Variants in NALF1 observed in about 807,000 individuals in gnomAD.
The protein encoded by NALF1 is family with sequence similarity 155 member A.
Under a neutral mutation model 48.4 loss-of-function variants are expected in NALF1, and 3 were observed. That is an observed-to-expected ratio of 0.06 (90% CI 0.03 to 0.16). The LOEUF is 0.16. NALF1 is among the 10% of genes least tolerant of loss of function. The pLI is 1.00. For missense variants in NALF1, 526 were observed against 571.5 expected, an observed-to-expected ratio of 0.92 and a Z score of 0.81; for synonymous variants, 262 against 245.7, an observed-to-expected ratio of 1.07 and a Z score of -0.62.
rs1431954245 is a variant in NALF1 at position 107,168,254 on chromosome 13, C to T, written c.*2243G>A. The T allele has an allele frequency of 2.0e-5, 3 of 152,254 alleles. No individual in the cohort carries two copies. Among genetic ancestry groups the T allele is most frequent in the Admixed American group, 2.0e-4 (3 of 15,264 alleles). The allele number at this position is 152,254 out of a possible 1,614,324, so 9.4% of individuals were successfully genotyped here. On this transcript the variant is annotated 3_prime_UTR_variant, in exon 3 of 3. Coordinates refer to ENST00000375915, the MANE Select transcript of NALF1 (RefSeq NM_001080396.3). ...CAGGAATCACTTGCAGCCTCAATTC[C>T]TCTGCTTCTCGTCCCCCCAGCGCCA...
rs546817507 is a variant in NALF1 at position 107,858,140 on chromosome 13, C to T, written c.915+7542G>A. 7.9e-5 allele frequency among the ~76,000 whole-genome samples: 12 copies of T among 152,302 alleles called. No homozygotes were observed. The South Asian group carries it at 2.5e-3, about 32-fold the overall frequency. ...AAGCCTTTGACATGATAAACCTGGC[C>T]ATCCATCCTAGTTGCCCAGGACTCT... On this transcript the variant is annotated intron_variant, in intron 1 of 2. Coordinates refer to ENST00000375915, the MANE Select transcript of NALF1 (RefSeq NM_001080396.3).
chr13:107,334,661 T>C (rs1415782945), intron 1 of NALF1, among the ~76,000 whole-genome samples: 3 of 152,232 alleles, frequency 2.0e-5, no homozygotes, highest in Non-Finnish European at 2.9e-5. Flanking sequence ...AAGCTAAGAC[T>C]TTTTAAAAAA....
intron 1 of NALF1, among the ~76,000 whole-genome samples, chr13:107,282,313 C>G (rs1422577243): frequency 1.3e-5 from 2 of 152,144 alleles, no homozygotes; most frequent in Non-Finnish European, 1.5e-5. Flanking sequence ...TGAATGTTAT[C>G]CAGAGAGCAA....
intron 1 of NALF1, among the ~76,000 whole-genome samples, chr13:107,802,836 T>C (rs772928850): frequency 7.8e-4 from 119 of 152,200 alleles, no homozygotes; most frequent in Non-Finnish European, 1.4e-3. Flanking sequence ...TACTACATTT[T>C]ATTAGTTTGA....
intron 1 of NALF1, among the ~76,000 whole-genome samples, chr13:107,504,465 T>C (rs55944547): frequency 0.021 from 3,207 of 152,236 alleles, 111 homozygotes; most frequent in African/African-American, 0.074. Flanking sequence ...ACGATAGATA[T>C]GTTAATCTGA....
chr13:107,389,369 G>T (rs1038787319), intron 1 of NALF1, among the ~76,000 whole-genome samples: 1 of 152,164 alleles, frequency 6.6e-6, no homozygotes, highest in African/African-American at 2.4e-5. Flanking sequence ...CATTAGAGTG[G>T]ACCCTAATCC....
At chr13:107,301,510 C>T (rs1447470515) in intron 1 of NALF1, among the ~76,000 whole-genome samples, 1 of 152,110 alleles carries the variant, frequency 6.6e-6, no homozygotes, top group Non-Finnish European at 1.5e-5. Context: ...TTCTGTTCTA[C>T]ATTTACCTCC....
In NALF1 at chr13:107,493,433, A is replaced by G. The variant is rs552272683; in HGVS notation, c.916-282678T>C. 6.6e-5 allele frequency among the ~76,000 whole-genome samples: 10 copies of G among 152,284 alleles called. No homozygotes were observed. In the East Asian group the frequency reaches 1.9e-3, roughly 29 times the overall value. On this transcript the variant is annotated intron_variant, in intron 1 of 2. Coordinates refer to ENST00000375915, the MANE Select transcript of NALF1 (RefSeq NM_001080396.3). Reference sequence around the variant, plus strand: ...GAGTCTTAGTGGATGAAAGTGCATGAGGTTAACTATATCACCTTCTGTCTA... The same window carrying G: ...GAGTCTTAGTGGATGAAAGTGCATGGGGTTAACTATATCACCTTCTGTCTA...
chr13:107,526,008 T>C (rs1594110384), intron 1 of NALF1, among the ~76,000 whole-genome samples: 1 of 152,082 alleles, frequency 6.6e-6, no homozygotes, highest in Admixed American at 6.6e-5. Context: ...AACCATTGAG[T>C]TTTAAGTGAT....
intron 1 of NALF1, among the ~76,000 whole-genome samples, chr13:107,774,742 C>T (rs1044611083): frequency 1.3e-5 from 2 of 152,030 alleles, no homozygotes; most frequent in Admixed American, 1.3e-4. Context: ...CTTTTTTGTT[C>T]TTACGGAGTC....
At chr13:107,800,369 T>C (rs1021352197) in intron 1 of NALF1, among the ~76,000 whole-genome samples, 1 of 151,950 alleles carries the variant, frequency 6.6e-6, no homozygotes, top group African/African-American at 2.4e-5. Context: ...TATCACTTTT[T>C]CAGGAGTTCT....
At chr13:107,543,218 T>C (rs1446779767) in intron 1 of NALF1, among the ~76,000 whole-genome samples, 2 of 151,970 alleles carry the variant, frequency 1.3e-5, no homozygotes, top group Non-Finnish European at 2.9e-5. Context: ...AATTAAGGTA[T>C]AAGGAAAAAA....
chr13:107,430,237 A>G (rs1884352900), intron 1 of NALF1, among the ~76,000 whole-genome samples: 1 of 152,132 alleles, frequency 6.6e-6, no homozygotes, highest in African/African-American at 2.4e-5. Context: ...GATAACCAGC[A>G]CTGGCCATAA....
At chr13:107,331,337 A>G (rs1882464967) in intron 1 of NALF1, among the ~76,000 whole-genome samples, 1 of 152,152 alleles carries the variant, frequency 6.6e-6, no homozygotes, top group South Asian at 2.1e-4. Flanking sequence ...TAAATAATAG[A>G]AATGTTTTAA....
At chr13:107,745,960 C>A (rs1220508077) in intron 1 of NALF1, among the ~76,000 whole-genome samples, 6 of 152,118 alleles carry the variant, frequency 3.9e-5, no homozygotes, top group African/African-American at 9.7e-5. Context: ...AATTCTGAGA[C>A]CTATTATTTA....
chr13:107,661,068 A>T (rs1462896043), intron 1 of NALF1, among the ~76,000 whole-genome samples: 1 of 152,230 alleles, frequency 6.6e-6, no homozygotes, highest in Non-Finnish European at 1.5e-5. Context: ...TAGTCATTTT[A>T]TCAGGAGCGG....
chr13:107,237,341 C>CA (rs1376782983), intron 1 of NALF1, among the ~76,000 whole-genome samples: 1 of 151,726 alleles, frequency 6.6e-6, no homozygotes, highest in Non-Finnish European at 1.5e-5. Context: ...TGAAGAAAAG[C>CA]AAAAAAATCA....
chr13:107,526,851 A>G (rs1156311060), intron 1 of NALF1, among the ~76,000 whole-genome samples: 3 of 152,164 alleles, frequency 2.0e-5, no homozygotes, highest in African/African-American at 7.2e-5. Context: ...CAGTAAAGAA[A>G]TGAGTCCAGA....
chr13:107,570,260 G>A (rs1877946199), intron 1 of NALF1, among the ~76,000 whole-genome samples: 1 of 151,766 alleles, frequency 6.6e-6, no homozygotes, highest in South Asian at 2.1e-4. Context: ...ACATCCTCAT[G>A]TTAATTCTGA....
Sources: gnomAD v4.1 joint callset for allele counts (sites outside exome capture counted in the v4.1 genomes callset) on GRCh38, gnomAD v4.1.1 for gene constraint, MANE v1.5 for transcripts, NCBI Gene and HGNC (gene_info 2026-07-23, HGNC 2026-07-21) for gene names.